The following ANO1 variants were observed in gnomAD, a reference collection of about 807,000 sequenced individuals.
ANO1 encodes the protein anoctamin-1.
Under a neutral mutation model 124.0 loss-of-function variants are expected in ANO1, and 59 were observed. The observed-to-expected ratio is 0.48, with a 90% CI of 0.39 to 0.59. The LOEUF (loss-of-function observed/expected upper bound fraction) is 0.59. Ranked by LOEUF, ANO1 falls within the 20% of genes least tolerant of loss-of-function variation. The pLI, the probability that ANO1 is intolerant of heterozygous loss-of-function variation, is 0.00. For synonymous variants in ANO1, 529 were observed against 532.0 expected (o/e 0.99, Z 0.08); for missense variants, 1,059 against 1,328.0 (o/e 0.80, Z 3.15).
chr11:69,983,307 C>T (rs1353113128), upstream of ANO1, among the ~76,000 whole-genome samples: 1 of 152,198 alleles, frequency 6.6e-6, no homozygotes, highest in East Asian at 1.9e-4. Context: ...GTGCTGGCCT[C>T]ACCAAGAGCT....
At chr11:69,988,218 C>G (rs1856086359) in intron 1 of ANO1, among the ~76,000 whole-genome samples, 1 of 152,202 alleles carries the variant, frequency 6.6e-6, no homozygotes, top group Non-Finnish European at 1.5e-5. Flanking sequence ...AGTTGGAGAA[C>G]AGAAAGAGGT....
chr11:70,004,146 C>CA (rs1217835354), intron 1 of ANO1, among the ~76,000 whole-genome samples: 11 of 152,204 alleles, frequency 7.2e-5, no homozygotes, highest in Admixed American at 5.2e-4. Context: ...GTGGTCTCAC[C>CA]ACCCTGCACC....
At chr11:70,134,616 G>A (rs1180532563) in intron 11 of ANO1, among the ~76,000 whole-genome samples, 3 of 152,178 alleles carry the variant, frequency 2.0e-5, no homozygotes, top group Non-Finnish European at 1.5e-5. Flanking sequence ...GAGAGTGTGC[G>A]TGCGCCTGGT....
rs535313991 is a variant in ANO1, at chr11:70,171,843, C to T, written c.2350+804C>T. ...ATGAGCTGGGCGTGATGGTGCGTTC[C>T]TGTAGTCCCAGCTACTCAGGAGGCT... On this transcript the variant is annotated intron_variant, in intron 22 of 25. Transcript: ENST00000355303. Among the ~76,000 whole-genome samples, 26 of 152,242 alleles carry T rather than the reference C, an allele frequency of 1.7e-4. No individual in the cohort carries two copies. The Middle Eastern group carries it at 0.01, about 60-fold the overall frequency.
At chr11:69,976,910 G>C in the ANO1 span, among the ~76,000 whole-genome samples, 1 of 152,078 alleles carries the variant, frequency 6.6e-6, no homozygotes, top group African/African-American at 2.4e-5. Context: ...GTCCCTGGCA[G>C]GGGTGAACGT....
rs576856162 is a variant in ANO1 at position 70,160,227 on chromosome 11, G to A, written c.1579-934G>A. 2.0e-5 allele frequency among the ~76,000 whole-genome samples: 3 copies of A among 152,246 alleles called. No homozygotes were observed. In the South Asian group the frequency reaches 6.2e-4, roughly 32 times the overall value. ...CACGGGGACACAGGGTGACAAGACA[G>A]CCTGTGTCCTGCGGGTGGTTTCACG... is the stretch of plus-strand genomic sequence containing the variant. On this transcript the variant is annotated intron_variant, in intron 16 of 25. Transcript: ENST00000355303.
chr11:70,009,561 T>C (rs1007534141), intron 1 of ANO1, among the ~76,000 whole-genome samples: 2 of 152,204 alleles, frequency 1.3e-5, no homozygotes, highest in African/African-American at 2.4e-5. Context: ...CCTGTCTTGG[T>C]GCATTTTGCG....
Position 70,078,606 on chromosome 11 carries a change from G to T in ANO1, c.-1G>T, listed in dbSNP as rs1277132676. The T allele has an allele frequency of 2.7e-6, 4 of 1,482,496 alleles. No homozygotes were observed. The highest frequency in any genetic ancestry group is 2.0e-5 in the Admixed American group (1 of 49,630). 91.8% of individuals were successfully genotyped at this position (1,482,496 alleles called of 1,614,324 possible). A position where few individuals can be genotyped will look rare whatever the true frequency, so the allele number is the denominator to read the frequency against. Reference sequence around the variant, plus strand: ...GCGGTCCCAGCGCACAGGCGGCCACGATGAGGGTCAACGAGAAGTACTCGA... The same window carrying T: ...GCGGTCCCAGCGCACAGGCGGCCACTATGAGGGTCAACGAGAAGTACTCGA... On this transcript the variant is annotated 5_prime_UTR_variant, in exon 1 of 26. Coordinates refer to ENST00000355303, the MANE Select transcript of ANO1 (RefSeq NM_018043.7).
At chr11:70,132,808 A>T (rs2046813635) in intron 11 of ANO1, among the ~76,000 whole-genome samples, 1 of 152,192 alleles carries the variant, frequency 6.6e-6, no homozygotes, top group Non-Finnish European at 1.5e-5. Flanking sequence ...GCCAGCTTTG[A>T]GATGCCCACA....
intron 11 of ANO1, among the ~76,000 whole-genome samples, chr11:70,145,956 A>C (rs1040685349): frequency 7.2e-5 from 11 of 151,770 alleles, no homozygotes; most frequent in African/African-American, 1.9e-4. Context: ...AAAAAAAAAA[A>C]AAAAAAAAAG....
intron 22 of ANO1, among the ~76,000 whole-genome samples, chr11:70,176,462 T>A: frequency 6.6e-6 from 1 of 152,168 alleles, no homozygotes; most frequent in Non-Finnish European, 1.5e-5. Context: ...TTAAAATTTC[T>A]GATTGTCAAT....
chr11:70,150,002 C>G (rs1243671710), intron 12 of ANO1: 10 of 673,650 alleles, frequency 1.5e-5, no homozygotes, highest in Admixed American at 1.4e-4. Context: ...GTGACCACTC[C>G]CTGTCTGCTG....
Position 70,024,582 on chromosome 11 carries a change from C to T in ANO1, c.58+38416C>T, listed in dbSNP as rs148403908. Among the ~76,000 whole-genome samples the T allele has an allele frequency of 7.0e-4, 107 of 152,316 alleles. 1 individual carries two copies. The highest frequency in any genetic ancestry group is 2.4e-3 in the African/African-American group (101 of 41,572). The stretch of plus-strand genomic sequence containing the variant: ...TCCCTGGGCACCGTCTGCTTTCATC[C>T]TTGCAATACCCCTGGGAAGCTGGAG... On this transcript the variant is annotated intron_variant, in intron 1 of 27. Transcript: ENST00000531349.
chr11:70,079,952 A>C (rs897015345), intron 1 of ANO1, among the ~76,000 whole-genome samples: 7 of 152,230 alleles, frequency 4.6e-5, no homozygotes, highest in African/African-American at 1.4e-4. Context: ...GAACAGGTGT[A>C]GATGGAGAGG....
At chr11:70,085,969 C>T (rs1434899036) in intron 1 of ANO1, among the ~76,000 whole-genome samples, 5 of 152,262 alleles carry the variant, frequency 3.3e-5, no homozygotes, top group Non-Finnish European at 1.5e-5. Flanking sequence ...GGGGGACCCT[C>T]CAGGCCAGCG....
chr11:69,995,004 T>C (rs1192663104), intron 1 of ANO1, among the ~76,000 whole-genome samples: 2 of 152,164 alleles, frequency 1.3e-5, no homozygotes, highest in Non-Finnish European at 2.9e-5. Flanking sequence ...TACAGAAAAT[T>C]CCCACATACT....
chr11:70,008,335 T>G (rs548035140), intron 1 of ANO1, among the ~76,000 whole-genome samples: 17 of 152,322 alleles, frequency 1.1e-4, no homozygotes, highest in Non-Finnish European at 2.4e-4. Flanking sequence ...ATGTCATAAG[T>G]TTCTGCCCTG....
intron 21 of ANO1, 100 bp from the exon 22 acceptor site, chr11:70,170,787 C>A: frequency 1.4e-6 from 2 of 1,441,286 alleles, no homozygotes; most frequent in Middle Eastern, 1.9e-4. Flanking sequence ...GGAGGTGGGG[C>A]GGCAGCCAGA....
At position 70,104,072 on chromosome 11, in the gene ANO1, T is replaced by G; in HGVS notation, c.614T>G (p.Ile205Ser). The change falls in exon 4 of 26, where the codon ATC becomes AGC. Residue 205 changes from isoleucine to serine, a missense_variant. Physicochemically the swap from Ile to Ser is moderately radical, Grantham distance 142. This residue lies in a region of ANO1 where 809 missense variants were observed against 1,094.9 expected (regional missense o/e 0.74). Transcript: ENST00000355303. ...GTGCTCCAGAAAATCACAGATCCCA[T>G]CCAGCCCAAAGTGGCTGAGCACAGG... ...NSVLQKITDP[I>S]QPKVAEHRPQ... 1 of 1,612,752 alleles carries G rather than the reference T, an allele frequency of 6.2e-7. No homozygotes were observed. Among genetic ancestry groups the G allele is most frequent in the Non-Finnish European group, 8.5e-7 (1 of 1,179,492 alleles).
Sources: gnomAD v4.1 joint callset for allele counts (sites outside exome capture counted in the v4.1 genomes callset) on GRCh38, gnomAD v4.1.1 for gene constraint, gnomAD v4.1.1 regional missense constraint, MANE v1.5 for transcripts, NCBI Gene and HGNC (gene_info 2026-07-23, HGNC 2026-07-21) for gene names.